Variants in USP15 observed in about 807,000 individuals in gnomAD.
USP15 encodes ubiquitin carboxyl-terminal hydrolase 15.
Under a neutral mutation model 127.1 loss-of-function variants are expected in USP15, and 18 were observed. The ratio of observed to expected loss-of-function variants is 0.14; its 90% confidence interval spans 0.10 to 0.21. USP15 has a LOEUF of 0.21. USP15 is among the 10% of genes least tolerant of loss of function. The pLI, the probability that USP15 is intolerant of heterozygous loss-of-function variation, is 1.00. For synonymous variants in USP15, 364 were observed against 393.7 expected (o/e 0.92, Z 0.89); for missense variants, 805 against 1,159.9 (o/e 0.69, Z 4.44).
chr12:62,392,408 AT>A, intron 18 of USP15, 21 bp downstream of exon 18: 1 of 1,521,306 alleles, frequency 6.6e-7, no homozygotes, highest in Non-Finnish European at 8.9e-7. Context: ...AAATTAAATA[AT>A]TGTTTTTGTT....
chr12:62,384,067 T>G lies in USP15; in HGVS notation c.1249-11T>G. 6.2e-7 allele frequency: 1 copy of G among 1,611,822 alleles called. No individual in the cohort carries two copies. Among genetic ancestry groups the G allele is most frequent in the Non-Finnish European group, 8.5e-7 (1 of 1,178,988 alleles). Reference sequence around the variant, plus strand: ...ATACCTCTTTCTAATTTGTGTCTATTATCCTTGTAGGTGGTTGCCGAAGAA... The same window carrying G: ...ATACCTCTTTCTAATTTGTGTCTATGATCCTTGTAGGTGGTTGCCGAAGAA... On this transcript the variant is annotated splice_polypyrimidine_tract_variant and intron_variant, in intron 10 of 21. Coordinates refer to ENST00000280377, the MANE Select transcript of USP15 (RefSeq NM_001252078.2).
intron 6 of USP15, among the ~76,000 whole-genome samples, chr12:62,331,687 C>T (rs1174363511): frequency 1.3e-5 from 2 of 152,046 alleles, no homozygotes; most frequent in African/African-American, 4.8e-5. Context: ...TCAGCTGAAG[C>T]ATAAATTTTT....
At chr12:62,297,488 G>A (rs1471512887) in intron 2 of USP15, among the ~76,000 whole-genome samples, 1 of 152,186 alleles carries the variant, frequency 6.6e-6, no homozygotes, top group Non-Finnish European at 1.5e-5. Flanking sequence ...AGACAAGTGG[G>A]ATGTTCCTCT....
intron 21 of USP15, among the ~76,000 whole-genome samples, chr12:62,402,822 T>C (rs900423644): frequency 2.0e-5 from 3 of 151,920 alleles, no homozygotes; most frequent in African/African-American, 7.2e-5. Flanking sequence ...TCTGAGAACA[T>C]CATAGAAGAT....
At position 62,409,306 on chromosome 12, in the gene USP15, A is replaced by G. The variant is rs954884896; in HGVS notation, c.*4931A>G. The G allele has an allele frequency of 6.6e-6, 1 of 152,162 alleles. No individual in the cohort carries two copies. Among genetic ancestry groups the G allele is most frequent in the Non-Finnish European group, 1.5e-5 (1 of 68,014 alleles). 9.4% of individuals were successfully genotyped at this position (152,162 alleles called of 1,614,324 possible). A position where few individuals can be genotyped will look rare whatever the true frequency, so the allele number is the denominator to read the frequency against. ...AAGGAAAATCAGGAATTTACGTAATATATTGGACTACAGTCTCAAAGGACA... is the reference window on the plus strand; with the variant it reads ...AAGGAAAATCAGGAATTTACGTAATGTATTGGACTACAGTCTCAAAGGACA... On this transcript the variant is annotated 3_prime_UTR_variant, in exon 22 of 22. Coordinates refer to ENST00000280377, the MANE Select transcript of USP15 (RefSeq NM_001252078.2).
At chr12:62,335,247 C>T in intron 6 of USP15, 1 of 1,526,158 alleles carries the variant, frequency 6.6e-7, no homozygotes, top group African/African-American at 1.4e-5. Context: ...CTCTGGTTAT[C>T]ATCCACAGAC....
At chr12:62,318,170 A>T (rs1202752957) in intron 4 of USP15, among the ~76,000 whole-genome samples, 1 of 152,146 alleles carries the variant, frequency 6.6e-6, no homozygotes, top group Non-Finnish European at 1.5e-5. Context: ...GCCACCAATT[A>T]TTACAGTTAA....
At chr12:62,327,152 A>G (rs1371792273) in intron 6 of USP15, among the ~76,000 whole-genome samples, 3 of 152,072 alleles carry the variant, frequency 2.0e-5, no homozygotes, top group Non-Finnish European at 2.9e-5. Flanking sequence ...AATATAAATA[A>G]ATAAAATAAA....
At chr12:62,326,082 G>A (rs1769891583) in intron 6 of USP15, 149 bp downstream of exon 6, 1 of 623,048 alleles carries the variant, frequency 1.6e-6, no homozygotes, top group East Asian at 3.0e-5. Context: ...TAGTATACAA[G>A]CTATCTAAAT....
chr12:62,331,826 A>G (rs528250619), intron 6 of USP15, among the ~76,000 whole-genome samples: 300 of 152,324 alleles, frequency 2.0e-3, no homozygotes, highest in Non-Finnish European at 1.8e-3. Flanking sequence ...AAACAACTCA[A>G]AGTCTGTATT....
At chr12:62,281,969 C>T (rs1438450330) in intron 1 of USP15, among the ~76,000 whole-genome samples, 1 of 152,070 alleles carries the variant, frequency 6.6e-6, no homozygotes, top group Non-Finnish European at 1.5e-5. Context: ...TCAGTGGATG[C>T]CTGAACCTGC....
intron 6 of USP15, chr12:62,327,782 T>C (rs377453337): frequency 8.5e-6 from 3 of 351,636 alleles, no homozygotes; most frequent in African/African-American, 6.7e-5. Context: ...TGAATACAGG[T>C]GCTGTACTAG....
At chr12:62,277,253 A>G (rs1055653486) in intron 1 of USP15, among the ~76,000 whole-genome samples, 1 of 152,132 alleles carries the variant, frequency 6.6e-6, no homozygotes, top group African/African-American at 2.4e-5. Context: ...TTATTATGGT[A>G]TTTATATATT....
chr12:62,357,153 A>C (rs1371239031), intron 8 of USP15, among the ~76,000 whole-genome samples: 3 of 152,116 alleles, frequency 2.0e-5, no homozygotes, highest in Non-Finnish European at 2.9e-5. Flanking sequence ...TCAGGAGAGC[A>C]CAAGAGTTTG....
intron 8 of USP15, 51 bp downstream of exon 8, chr12:62,355,526 A>G: frequency 6.6e-7 from 1 of 1,512,210 alleles, no homozygotes; most frequent in Non-Finnish European, 8.9e-7. Context: ...AATCTGTAAT[A>G]CAAGAAGATA....
chr12:62,330,766 A>AC (rs1186784862), intron 6 of USP15, among the ~76,000 whole-genome samples: 1 of 151,408 alleles, frequency 6.6e-6, no homozygotes, highest in African/African-American at 2.4e-5. Context: ...ACAAAAAAAA[A>AC]AAAACAAAAA....
intron 8 of USP15, among the ~76,000 whole-genome samples, chr12:62,358,331 T>C (rs1328937428): frequency 6.6e-6 from 1 of 152,178 alleles, no homozygotes; most frequent in Non-Finnish European, 1.5e-5. Context: ...TTTAATGATA[T>C]TGGTACTTAA....
chr12:62,291,203 C>G (rs1166666269), intron 1 of USP15, among the ~76,000 whole-genome samples: 2 of 152,134 alleles, frequency 1.3e-5, no homozygotes, highest in African/African-American at 4.8e-5. Flanking sequence ...TCGAGAATAC[C>G]TACAATTCCT....
At chr12:62,345,043 G>A (rs538717831) in intron 6 of USP15, among the ~76,000 whole-genome samples, 3 of 152,318 alleles carry the variant, frequency 2.0e-5, no homozygotes, top group Admixed American at 6.5e-5. Context: ...CATTGTCTTG[G>A]GGATTAACAT....
Sources: allele counts gnomAD v4.1 joint callset (sites outside exome capture counted in the v4.1 genomes callset), GRCh38; gene constraint gnomAD v4.1.1; transcripts MANE v1.5; gene names NCBI Gene and HGNC (gene_info 2026-07-23, HGNC 2026-07-21).